Variants in GABRA3 observed in about 807,000 individuals in gnomAD.
The protein encoded by GABRA3 is gamma-aminobutyric acid type A receptor subunit alpha3.
Under a neutral mutation model 30.1 loss-of-function variants are expected in GABRA3, and 10 were observed. That is an observed-to-expected ratio of 0.33 (90% CI 0.20 to 0.56). The LOEUF is 0.56. Among genes scored for constraint, GABRA3 ranks in the 20% least tolerant of loss-of-function variants. The pLI, the probability that GABRA3 is intolerant of heterozygous loss-of-function variation, is 0.89. For missense variants in GABRA3, 233 were observed against 392.0 expected, an observed-to-expected ratio of 0.59 and a Z score of 3.42; for synonymous variants, 151 against 146.8, an observed-to-expected ratio of 1.03 and a Z score of -0.21.
intron 1 of GABRA3, among the ~76,000 whole-genome samples, chrX:152,369,168 A>C (rs1216864378): frequency 9.1e-6 from 1 of 110,290 alleles, no homozygotes; most frequent in Non-Finnish European, 1.9e-5. Context: ...GGTGATTTAC[A>C]TTTCCTTTAA....
intron 4 of GABRA3, among the ~76,000 whole-genome samples, chrX:152,273,531 T>C (rs1285103864): frequency 8.9e-6 from 1 of 112,434 alleles, no homozygotes; most frequent in Non-Finnish European, 1.9e-5. Flanking sequence ...AAATATGGCA[T>C]TGACCTAAGT....
At chrX:152,446,367 TTGTC>T (rs1246625988) in intron 1 of GABRA3, among the ~76,000 whole-genome samples, 4 of 111,421 alleles carry the variant, frequency 3.6e-5, no homozygotes. Context: ...GGCAACAACT[TTGTC>T]TGTTTTGCTC....
chrX:152,206,371 G>A (rs1385676759), intron 7 of GABRA3, among the ~76,000 whole-genome samples: 1 of 111,950 alleles, frequency 8.9e-6, no homozygotes, highest in Non-Finnish European at 1.9e-5. Context: ...CAGGAGGCCG[G>A]CTTCTCTGCT....
chrX:152,306,659 T>C (rs1189126820), intron 3 of GABRA3, among the ~76,000 whole-genome samples: 2 of 111,841 alleles, frequency 1.8e-5, no homozygotes, highest in Non-Finnish European at 3.8e-5. Context: ...AAGTTTTACC[T>C]CCCATGTCTT....
chrX:152,289,536 CT>C (rs1253694808), intron 3 of GABRA3, among the ~76,000 whole-genome samples: 1 of 106,634 alleles, frequency 9.4e-6, no homozygotes, highest in Non-Finnish European at 1.9e-5. Context: ...TTAAATTATA[CT>C]TTAAGTTCTA....
intron 1 of GABRA3, among the ~76,000 whole-genome samples, chrX:152,414,690 T>C (rs1217911788): frequency 1.8e-5 from 2 of 110,523 alleles, no homozygotes; most frequent in African/African-American, 6.6e-5. Flanking sequence ...TTGGTATTTA[T>C]CCAAATGATT....
intron 8 of GABRA3, among the ~76,000 whole-genome samples, chrX:152,194,489 C>G (rs1383211506): frequency 9.0e-6 from 1 of 111,492 alleles, no homozygotes; most frequent in African/African-American, 3.3e-5. Context: ...ATTTCATTAT[C>G]TTAATGTTAT....
chrX:152,384,760 A>G (rs1221606024), intron 1 of GABRA3, among the ~76,000 whole-genome samples: 6 of 112,293 alleles, frequency 5.3e-5, no homozygotes, highest in Admixed American at 4.7e-4. Flanking sequence ...AACAGACTAC[A>G]TTAAAATTCA....
At chrX:152,443,754 A>G (rs1233472954) in intron 1 of GABRA3, among the ~76,000 whole-genome samples, 1 of 111,909 alleles carries the variant, frequency 8.9e-6, no homozygotes, top group Non-Finnish European at 1.9e-5. Flanking sequence ...TTAGAATTCA[A>G]ATGTGACATT....
rs182211026 is a variant in GABRA3, at chrX:152,217,767, C to A, written c.634+6996G>T. Among the ~76,000 whole-genome samples the A allele has an allele frequency of 2.5e-3, 279 of 110,048 alleles. 2 individuals carry two copies. Among genetic ancestry groups the A allele is most frequent in the African/African-American group, 8.8e-3 (270 of 30,537 alleles). On this transcript the variant is annotated intron_variant, in intron 6 of 9. Transcript: ENST00000370314. Reference sequence around the variant, plus strand: ...TACCTAATTTGTTGGTGTACAGTTGCTCATAGTATTCCCATAAAATCCTGC... The same window carrying A: ...TACCTAATTTGTTGGTGTACAGTTGATCATAGTATTCCCATAAAATCCTGC...
chrX:152,311,453 C>T (rs1768101093), intron 3 of GABRA3, among the ~76,000 whole-genome samples: 1 of 111,902 alleles, frequency 8.9e-6, no homozygotes, highest in African/African-American at 3.2e-5. Context: ...AAACAAAAAC[C>T]ACATGATCAT....
At chrX:152,254,438 T>A (rs891778431) in intron 5 of GABRA3, among the ~76,000 whole-genome samples, 1 of 110,720 alleles carries the variant, frequency 9.0e-6, no homozygotes, top group African/African-American at 3.3e-5. Flanking sequence ...ACCATTCTCA[T>A]TTCTCCAATA....
chrX:152,403,983 A>AGATGTTCTCC (rs1929863875), intron 1 of GABRA3, among the ~76,000 whole-genome samples: 1 of 111,038 alleles, frequency 9.0e-6, no homozygotes, highest in Non-Finnish European at 1.9e-5. Context: ...TGGAGAACTC[A>AGATGTTCTCC]AGCAGAAAAA....
intron 9 of GABRA3, among the ~76,000 whole-genome samples, chrX:152,182,853 A>G (rs1372752911): frequency 1.1e-5 from 1 of 92,904 alleles, no homozygotes; most frequent in Non-Finnish European, 2.1e-5. Flanking sequence ...ATACTATAGT[A>G]TATATACTAT....
At chrX:152,266,122 A>G (rs1938819391) in intron 4 of GABRA3, among the ~76,000 whole-genome samples, 1 of 111,652 alleles carries the variant, frequency 9.0e-6, no homozygotes, top group African/African-American at 3.2e-5. Flanking sequence ...GGAATCCTAT[A>G]TCAAGAGCAT....
Position 152,200,477 on chromosome X carries a change from T to C in GABRA3, c.779-2692A>G, listed in dbSNP as rs1312124043. On this transcript the variant is annotated intron_variant, in intron 7 of 9. Transcript: ENST00000370314. Reference sequence around the variant, plus strand: ...AAATTACAACTTTGGAGTTCCCATCTCTTTTCTTTCTCTCTGCTTCTTTTT... The same window carrying C: ...AAATTACAACTTTGGAGTTCCCATCCCTTTTCTTTCTCTCTGCTTCTTTTT... Among the ~76,000 whole-genome samples the C allele has an allele frequency of 4.5e-5, 5 of 111,965 alleles. No homozygotes were observed. In the South Asian group the frequency reaches 1.1e-3, roughly 25 times the overall value.
intron 1 of GABRA3, among the ~76,000 whole-genome samples, chrX:152,437,448 C>A (rs1930803941): frequency 9.0e-6 from 1 of 111,557 alleles, no homozygotes; most frequent in Non-Finnish European, 1.9e-5. Context: ...TTGGTAAGGT[C>A]AGTTCTTCTC....
chrX:152,176,876 TA>T (rs1266445921), intron 9 of GABRA3, among the ~76,000 whole-genome samples: 2 of 110,532 alleles, frequency 1.8e-5, no homozygotes, highest in African/African-American at 6.6e-5. Flanking sequence ...ATTCAGAAAA[TA>T]AAAAAGAGAT....
intron 3 of GABRA3, among the ~76,000 whole-genome samples, chrX:152,301,336 G>A (rs1939626781): frequency 8.9e-6 from 1 of 111,792 alleles, no homozygotes; most frequent in Admixed American, 9.5e-5. Flanking sequence ...TTTGTCTCCA[G>A]CAAAATCATT....
Sources: allele counts gnomAD v4.1 joint callset (sites outside exome capture counted in the v4.1 genomes callset), GRCh38; gene constraint gnomAD v4.1.1; transcripts MANE v1.5; gene names NCBI Gene and HGNC (gene_info 2026-07-23, HGNC 2026-07-21).